The following NUMB variants were observed in gnomAD, a reference collection of about 807,000 sequenced individuals.
The protein encoded by NUMB is NUMB endocytic adaptor protein.
NUMB carries 29 observed loss-of-function variants against 59.7 expected under a neutral mutation model. The ratio of observed to expected loss-of-function variants is 0.49; its 90% CI spans 0.36 to 0.66. The LOEUF (loss-of-function observed/expected upper bound fraction) is 0.66, where lower values mean the gene tolerates loss of function less well. NUMB is among the 30% of genes least tolerant of loss of function. The pLI is 0.00. For synonymous variants in NUMB, 288 were observed against 288.2 expected (o/e 1.00, Z 0.01); for missense variants, 723 against 822.0 (o/e 0.88, Z 1.47).
At chr14:73,391,419 AAAAG>A (rs1895846698) in intron 2 of NUMB, among the ~76,000 whole-genome samples, 1 of 152,102 alleles carries the variant, frequency 6.6e-6, no homozygotes, top group Non-Finnish European at 1.5e-5. Context: ...AGAAAAAAGA[AAAAG>A]AAAAAATCAT....
chr14:73,369,146 A>AT (rs567966333), intron 2 of NUMB, among the ~76,000 whole-genome samples: 120 of 151,012 alleles, frequency 7.9e-4, no homozygotes, highest in Non-Finnish European at 1.4e-3. Flanking sequence ...GGTTCAAGTG[A>AT]TTCTCCTGCC....
intron 2 of NUMB, among the ~76,000 whole-genome samples, chr14:73,387,686 T>G: frequency 6.8e-6 from 1 of 147,992 alleles, no homozygotes; most frequent in Non-Finnish European, 1.5e-5. Context: ...TGAGCTGAGA[T>G]CATGCTACTG....
chr14:73,402,459 T>C (rs1216283600), intron 2 of NUMB, among the ~76,000 whole-genome samples: 1 of 152,176 alleles, frequency 6.6e-6, no homozygotes, highest in Non-Finnish European at 1.5e-5. Context: ...TATATTACTA[T>C]CTCAGAGAGA....
intron 1 of NUMB, among the ~76,000 whole-genome samples, chr14:73,449,547 A>G (rs1396963956): frequency 6.6e-6 from 1 of 152,218 alleles, no homozygotes; most frequent in Non-Finnish European, 1.5e-5. Flanking sequence ...TACACAGATA[A>G]GGGCTGACTA....
chr14:73,372,849 T>C lies in NUMB; in HGVS notation c.-100-5868A>G, dbSNP rs1295716433. ...CATTATATTTCATTATTCATCACTGTTTATATATTCATTACTGTTTATATT... is the reference window on the plus strand; with the variant it reads ...CATTATATTTCATTATTCATCACTGCTTATATATTCATTACTGTTTATATT... On this transcript the variant is annotated intron_variant, in intron 2 of 12. Transcript: ENST00000555238. Among the ~76,000 whole-genome samples, 4 of 152,320 alleles carry C rather than the reference T, an allele frequency of 2.6e-5. No homozygotes were observed. The East Asian group carries it at 7.7e-4, about 29-fold the overall frequency.
chr14:73,282,075 G>A (rs902337501), intron 11 of NUMB, among the ~76,000 whole-genome samples: 2 of 152,178 alleles, frequency 1.3e-5, no homozygotes, highest in African/African-American at 2.4e-5. Context: ...ATCCTTAACA[G>A]TCAAGTGGGA....
rs1566756292 is a variant in NUMB, at chr14:73,352,511, T to C, written c.126+3115A>G. On this transcript the variant is annotated intron_variant, in intron 4 of 12. Coordinates refer to ENST00000555238, the MANE Select transcript of NUMB (RefSeq NM_001005743.2). Reference sequence around the variant, plus strand: ...ATATATATATATATATATATATATATATATATATATATATATATGTTTTTT... The same window carrying C: ...ATATATATATATATATATATATATACATATATATATATATATATGTTTTTT... Among the ~76,000 whole-genome samples the C allele has an allele frequency of 3.8e-3, 75 of 19,746 alleles. 17 individuals carry two copies. The highest frequency in any genetic ancestry group is 5.9e-3 in the Admixed American group (8 of 1,362). 13.0% of individuals were successfully genotyped at this position (19,746 alleles called of 152,430 possible). A position where few individuals can be genotyped will look rare whatever the true frequency, so the allele number is the denominator to read the frequency against.
chr14:73,376,010 A>C (rs1363492281), intron 2 of NUMB, among the ~76,000 whole-genome samples: 1 of 152,224 alleles, frequency 6.6e-6, no homozygotes, highest in Non-Finnish European at 1.5e-5. Context: ...CAAGAAAAGG[A>C]TGTCTCCTCC....
chr14:73,331,822 G>A (rs369630755), intron 4 of NUMB, among the ~76,000 whole-genome samples: 1 of 152,194 alleles, frequency 6.6e-6, no homozygotes, highest in South Asian at 2.1e-4. Flanking sequence ...TGCCACGATT[G>A]CAAGTTTCCT....
intron 2 of NUMB, among the ~76,000 whole-genome samples, chr14:73,372,343 TTA>T (rs60502086): frequency 0.028 from 2,832 of 100,734 alleles, 108 homozygotes; most frequent in African/African-American, 0.092. Flanking sequence ...ATATAACCTT[TTA>T]TATATATATA....
intron 1 of NUMB, among the ~76,000 whole-genome samples, chr14:73,422,908 C>CAA (rs143271018): frequency 0.062 from 7,595 of 122,898 alleles, 380 homozygotes; most frequent in East Asian, 0.14. Flanking sequence ...GATCCTGTCT[C>CAA]AAAAAAAAAA....
chr14:73,312,990 CT>C (rs563622527), intron 6 of NUMB, among the ~76,000 whole-genome samples: 320 of 141,730 alleles, frequency 2.3e-3, no homozygotes, highest in Middle Eastern at 3.6e-3. Flanking sequence ...AGTGGTATGT[CT>C]TTTTTTTTTT....
intron 2 of NUMB, among the ~76,000 whole-genome samples, chr14:73,371,394 G>A (rs1347780327): frequency 6.6e-6 from 1 of 151,996 alleles, no homozygotes. Flanking sequence ...AATTAGCCAG[G>A]CGTGGTGGTG....
At chr14:73,342,306 C>T (rs550896170) in intron 4 of NUMB, among the ~76,000 whole-genome samples, 1 of 152,344 alleles carries the variant, frequency 6.6e-6, no homozygotes, top group African/African-American at 2.4e-5. Context: ...CCAACTGTAA[C>T]CTTACTTGAT....
chr14:73,335,479 T>C (rs1476782772), intron 4 of NUMB, among the ~76,000 whole-genome samples: 3 of 152,196 alleles, frequency 2.0e-5, no homozygotes, highest in Non-Finnish European at 4.4e-5. Flanking sequence ...TCTGAGACAC[T>C]ATCTCGCTGA....
Position 73,278,068 on chromosome 14 carries a change from A to C in NUMB, c.1241-775T>G, listed in dbSNP as rs74914060. On this transcript the variant is annotated intron_variant, in intron 12 of 12. Coordinates refer to ENST00000555238, the MANE Select transcript of NUMB (RefSeq NM_001005743.2). ...CTCAAAAAAAAAAAAAAAAAAAAAA[A>C]CACCTAGCTTGCACATCCTCTAAAG... Among the ~76,000 whole-genome samples, 861 of 150,670 alleles carry C rather than the reference A, an allele frequency of 5.7e-3. 4 individuals are homozygous for C. The highest frequency in any genetic ancestry group is 0.026 in the South Asian group (122 of 4,746).
At position 73,297,296 on chromosome 14, in the gene NUMB, A is replaced by T; in HGVS notation, c.235-11T>A. The stretch of plus-strand genomic sequence containing the variant: ...TGCTTTCTTTCCAGTCTTTTAAGAG[A>T]AACCAAAAAGGGGAGGGGGAGATAC... On this transcript the variant is annotated splice_polypyrimidine_tract_variant and intron_variant, in intron 6 of 12. Transcript: ENST00000555238. 6.4e-7 allele frequency: 1 copy of T among 1,573,066 alleles called. No homozygotes were observed. Among genetic ancestry groups the T allele is most frequent in the Non-Finnish European group, 8.7e-7 (1 of 1,143,808 alleles).
intron 2 of NUMB, among the ~76,000 whole-genome samples, chr14:73,404,024 C>T (rs184174195): frequency 7.7e-4 from 114 of 148,748 alleles, no homozygotes; most frequent in Non-Finnish European, 1.1e-3. Flanking sequence ...ACCCCAGAGG[C>T]GGAGGTTGCA....
At position 73,323,189 on chromosome 14, in the gene NUMB, C is replaced by T; in HGVS notation, c.142G>A (p.Glu48Lys). The T allele has an allele frequency of 1.2e-6, 2 of 1,613,022 alleles. No homozygotes were observed. Among genetic ancestry groups the T allele is most frequent in the Non-Finnish European group, 1.7e-6 (2 of 1,179,080 alleles). ...SFPVKYLGHV[E>K]VDESRGMHIC... ...TGCATTCCTCTTGATTCATCAACTT[C>T]TACATGGCCAAGGTACTGTAGAAAG... Residue 48 changes from glutamate to lysine, a missense_variant, in exon 5 of 13, where the codon GAA (glutamate) becomes AAA (lysine). Coordinates refer to ENST00000555238, the MANE Select transcript of NUMB (RefSeq NM_001005743.2).
Sources: allele counts gnomAD v4.1 joint callset (sites outside exome capture counted in the v4.1 genomes callset), GRCh38; gene constraint gnomAD v4.1.1; transcripts MANE v1.5; gene names NCBI Gene and HGNC (gene_info 2026-07-23, HGNC 2026-07-21).